FAAH2: variants seen among roughly 807,000 people sequenced by gnomAD.
FAAH2 encodes the protein fatty acid amide hydrolase 2.
Under a neutral mutation model 36.9 loss-of-function variants are expected in FAAH2, and 60 were observed. The ratio of observed to expected loss-of-function variants is 1.63; its 90% CI spans 1.32 to 2.02. The LOEUF is 2.02. Ranked by LOEUF, FAAH2 falls within the 30% of genes most tolerant of loss-of-function variation. The probability of loss-of-function intolerance (pLI) is 0.00; values close to 1 mark genes in which losing one functional copy is unlikely to be tolerated. For missense variants in FAAH2, 689 were observed against 397.5 expected (o/e 1.73, Z -6.23); for synonymous variants, 214 against 143.8 (o/e 1.49, Z -3.49).
chrX:57,212,247 A>T, the FAAH2 span, among the ~76,000 whole-genome samples: 1 of 112,216 alleles, frequency 8.9e-6, no homozygotes, highest in Non-Finnish European at 1.9e-5. Context: ...AAACAAAAAA[A>T]GTAGTGACTG....
chrX:57,345,866 A>G (rs1056153328), intron 5 of FAAH2, among the ~76,000 whole-genome samples: 1 of 111,356 alleles, frequency 9.0e-6, no homozygotes, highest in African/African-American at 3.3e-5. Context: ...TATATACCTT[A>G]ATTTCATCGT....
chrX:57,284,160 G>A (rs1569229516), upstream of FAAH2, among the ~76,000 whole-genome samples: 1 of 111,912 alleles, frequency 8.9e-6, no homozygotes, highest in African/African-American at 3.2e-5. Context: ...GCAGGGCTGG[G>A]GTAGCCTTGT....
chrX:57,369,220 A>C lies in FAAH2; in HGVS notation c.743-9431A>C, dbSNP rs149324831. On this transcript the variant is annotated intron_variant, in intron 5 of 10. Transcript: ENST00000374900. ...AAAAGAGCAAATAATGTAAAAGAGC[A>C]AATGAAATAGGTGGTACATCATTAA... Among the ~76,000 whole-genome samples, 530 of 110,917 alleles carry C rather than the reference A, an allele frequency of 4.8e-3. 1 individual carries two copies. The highest frequency in any genetic ancestry group is 0.016 in the African/African-American group (491 of 30,557).
chrX:57,215,629 G>A, the FAAH2 span, among the ~76,000 whole-genome samples: 2 of 111,114 alleles, frequency 1.8e-5, no homozygotes, highest in African/African-American at 6.5e-5. Context: ...GGAATACTAT[G>A]CAGCCATAAA....
At chrX:57,481,073 C>T (rs965440498) in intron 10 of FAAH2, among the ~76,000 whole-genome samples, 1 of 109,685 alleles carries the variant, frequency 9.1e-6, no homozygotes, top group Admixed American at 9.8e-5. Flanking sequence ...AGTTCTCATG[C>T]TTTTTTTCAG....
chrX:57,352,571 G>A (rs192979911), intron 5 of FAAH2, among the ~76,000 whole-genome samples: 1 of 110,680 alleles, frequency 9.0e-6, no homozygotes, highest in Admixed American at 9.7e-5. Flanking sequence ...GAATACCCAT[G>A]TTTGCTACTT....
intron 4 of FAAH2, among the ~76,000 whole-genome samples, chrX:57,333,102 A>G (rs2053451196): frequency 9.0e-6 from 1 of 111,046 alleles, no homozygotes; most frequent in African/African-American, 3.3e-5. Context: ...TCACTACACA[A>G]ATAGGGATTT....
At chrX:57,145,517 C>T in the FAAH2 span, among the ~76,000 whole-genome samples, 2 of 111,990 alleles carry the variant, frequency 1.8e-5, no homozygotes, top group Non-Finnish European at 3.8e-5. Context: ...TGTCTGTTTA[C>T]TCTGATGACT....
chrX:57,291,688 C>T (rs2051988875), intron 1 of FAAH2, among the ~76,000 whole-genome samples: 1 of 110,290 alleles, frequency 9.1e-6, no homozygotes, highest in Non-Finnish European at 1.9e-5. Flanking sequence ...ATTTTTCTCT[C>T]CTCATTACTT....
chrX:57,366,867 G>A (rs61135102), intron 5 of FAAH2, among the ~76,000 whole-genome samples: 363 of 111,877 alleles, frequency 3.2e-3, no homozygotes, highest in African/African-American at 0.011. Flanking sequence ...TGTTCTTTTC[G>A]GTTCCAACAA....
intron 2 of FAAH2, among the ~76,000 whole-genome samples, chrX:57,301,172 T>C (rs2052350146): frequency 9.2e-6 from 1 of 109,284 alleles, no homozygotes; most frequent in African/African-American, 3.3e-5. Flanking sequence ...CGTATGTTTA[T>C]TGCAGCACTA....
chrX:57,219,553 C>T, the FAAH2 span, among the ~76,000 whole-genome samples: 6 of 112,487 alleles, frequency 5.3e-5, no homozygotes, highest in African/African-American at 1.9e-4. Context: ...CAGTCCAAAG[C>T]CCCAACATTG....
intron 7 of FAAH2, among the ~76,000 whole-genome samples, chrX:57,428,861 G>T (rs776305611): frequency 8.9e-6 from 1 of 111,983 alleles, no homozygotes; most frequent in African/African-American, 3.2e-5. Flanking sequence ...AAAAACAAAT[G>T]CACAATACCA....
intron 7 of FAAH2, 65 bp downstream of exon 7, chrX:57,381,094 T>A (rs1242491534): frequency 1.3e-6 from 1 of 766,830 alleles, no homozygotes; most frequent in Middle Eastern, 3.0e-4. Flanking sequence ...CTGAGCCCTT[T>A]ACTTCACTTA....
chrX:57,349,255 G>A (rs112565064), intron 5 of FAAH2, among the ~76,000 whole-genome samples: 1 of 76,408 alleles, frequency 1.3e-5, no homozygotes, highest in Non-Finnish European at 2.7e-5. Flanking sequence ...ATATCTGTGT[G>A]TATATATGTA....
At chrX:57,393,812 G>C (rs188786558) in intron 7 of FAAH2, 1 of 867,112 alleles carries the variant, frequency 1.2e-6, no homozygotes, top group East Asian at 3.1e-5. Context: ...CTGTCCAATC[G>C]TGATCTTCCT....
chrX:57,291,502 C>A (rs1223753102), intron 1 of FAAH2, among the ~76,000 whole-genome samples: 1 of 111,737 alleles, frequency 8.9e-6, no homozygotes, highest in African/African-American at 3.2e-5. Context: ...TATAGCTGAG[C>A]TTTTTTTAAA....
intron 10 of FAAH2, among the ~76,000 whole-genome samples, chrX:57,463,338 C>A (rs1334506237): frequency 1.8e-5 from 2 of 110,740 alleles, no homozygotes; most frequent in African/African-American, 6.6e-5. Flanking sequence ...AAAAAAAGAG[C>A]CCATATAGCC....
At position 57,331,676 on chromosome X, in the gene FAAH2, A is replaced by G. The variant is rs1458304550; in HGVS notation, c.491A>G (p.Lys164Arg). 1.7e-6 allele frequency: 2 copies of G among 1,211,629 alleles called. No homozygotes were observed. The highest frequency in any genetic ancestry group is 2.2e-6 in the Non-Finnish European group (2 of 895,259). ...KTDATVVALL[K>R]GAGAIPLGIT... ...GATGCCACTGTGGTGGCATTACTGA[A>G]GGGAGCTGGTGCCATTCCTCTTGGC... Residue 164 changes from lysine (K) to arginine (R), a missense_variant, in exon 4 of 11, where the codon AAG becomes AGG. Physicochemically the swap from Lys to Arg is conservative, Grantham distance 26. Transcript: ENST00000374900.
Sources: allele counts gnomAD v4.1 joint callset (sites outside exome capture counted in the v4.1 genomes callset), GRCh38; gene constraint gnomAD v4.1.1; transcripts MANE v1.5; gene names NCBI Gene and HGNC (gene_info 2026-07-23, HGNC 2026-07-21).